Variants in LAMB3 observed in about 807,000 individuals in gnomAD.
LAMB3 encodes the protein laminin subunit beta 3.
A neutral mutation model predicts 140.3 loss-of-function variants in LAMB3; 104 were observed. That is an observed-to-expected ratio of 0.74 (90% CI 0.63 to 0.87). The LOEUF is 0.87. Ranked by LOEUF, LAMB3 falls within the 40% of genes least tolerant of loss-of-function variation. The pLI is 0.00. For synonymous variants in LAMB3, 592 were observed against 602.9 expected, an observed-to-expected ratio of 0.98 and a Z score of 0.26; for missense variants, 1,531 against 1,575.2, an observed-to-expected ratio of 0.97 and a Z score of 0.47.
intron 14 of LAMB3, among the ~76,000 whole-genome samples, chr1:209,625,122 C>T (rs896077810): frequency 2.0e-5 from 3 of 152,218 alleles, no homozygotes; most frequent in Non-Finnish European, 4.4e-5. Flanking sequence ...CCACCACTCA[C>T]ACACCTGGAT....
chr1:209,615,817 A>G (rs1358570637), intron 22 of LAMB3, among the ~76,000 whole-genome samples: 1 of 152,164 alleles, frequency 6.6e-6, no homozygotes, highest in African/African-American at 2.4e-5. Flanking sequence ...GTCATATTCA[A>G]AGCCCTTGGA....
intron 6 of LAMB3, 128 bp from the exon 7 acceptor site, chr1:209,633,261 C>G: frequency 1.3e-6 from 1 of 745,048 alleles, no homozygotes. Flanking sequence ...CTGAGATAGA[C>G]CATGGCTATG....
chr1:209,616,525 T>C lies in LAMB3; in HGVS notation c.3328A>G (p.Thr1110Ala), dbSNP rs200585982. 4.3e-6 allele frequency: 7 copies of C among 1,614,068 alleles called. No homozygotes were observed. The highest frequency in any genetic ancestry group is 2.2e-5 in the East Asian group (1 of 44,898). ...TCCCCAAACAGCTCCTCTGCCTCTG[T>C]CTTCACACTCTGGATCCGGGCACCC... is the stretch of plus-strand genomic sequence containing the variant. ...EQGARIQSVK[T>A]EAEELFGETM... Residue 1110 changes from threonine to alanine, a missense_variant, in exon 22 of 23, where the codon ACA becomes GCA. By Grantham distance (58) the Thr-to-Ala change is moderately conservative. Transcript: ENST00000356082.
intron 18 of LAMB3, among the ~76,000 whole-genome samples, chr1:209,621,892 C>T (rs1459104639): frequency 6.6e-6 from 1 of 152,202 alleles, no homozygotes; most frequent in Non-Finnish European, 1.5e-5. Context: ...GACAGACAAC[C>T]ATCCTTGCCC....
At chr1:209,626,836 C>A in intron 13 of LAMB3, 31 bp downstream of exon 13, 2 of 1,563,424 alleles carry the variant, frequency 1.3e-6, no homozygotes, top group Non-Finnish European at 1.8e-6. Context: ...GCCCCCAGAG[C>A]CTCAGCGTCC....
chr1:209,650,894 G>A (rs2076560931), intron 2 of LAMB3, 23 bp downstream of exon 2: 1 of 1,613,124 alleles, frequency 6.2e-7, no homozygotes, highest in South Asian at 1.1e-5. Flanking sequence ...ACAGGGCCTG[G>A]AAGGATGGGA....
rs151006337 is a variant in LAMB3, at chr1:209,622,673, G to C, written c.2564C>G (p.Ala855Gly). The C allele has an allele frequency of 3.8e-5, 61 of 1,614,014 alleles. No individual in the cohort carries two copies. The highest frequency in any genetic ancestry group is 4.7e-5 in the Non-Finnish European group (56 of 1,180,024). The change falls in exon 18 of 23, where the codon GCA becomes GGA. Residue 855 changes from alanine to glycine, a missense_variant. Ala to Gly is a moderately conservative substitution (Grantham distance 60, BLOSUM62 0). Transcript: ENST00000356082. ...AATCTGTGAGGCAGATTCCTCGGCT[G>C]CCCTAATCTGTTGACATACACTCTA... ...QLQRTRQMIR[A>G]AEESASQIQS...
intron 5 of LAMB3, among the ~76,000 whole-genome samples, chr1:209,635,862 C>T (rs1666878076): frequency 6.6e-6 from 1 of 152,186 alleles, no homozygotes; most frequent in African/African-American, 2.4e-5. Context: ...AGTGAAGAGG[C>T]CCCAGGCTCC....
intron 3 of LAMB3, among the ~76,000 whole-genome samples, chr1:209,642,025 G>A (rs906795045): frequency 3.3e-5 from 5 of 152,198 alleles, no homozygotes; most frequent in African/African-American, 4.8e-5. Context: ...GGTCAAGAGA[G>A]TGCCAGAAAC....
intron 5 of LAMB3, among the ~76,000 whole-genome samples, chr1:209,637,193 A>C (rs886719964): frequency 6.6e-6 from 1 of 152,232 alleles, no homozygotes; most frequent in Non-Finnish European, 1.5e-5. Context: ...CTTAGAGCCA[A>C]CTTCTTCAGT....
intron 5 of LAMB3, 59 bp downstream of exon 5, chr1:209,637,849 C>T (rs1394224380): frequency 2.2e-6 from 3 of 1,372,548 alleles, no homozygotes; most frequent in East Asian, 2.4e-5. Flanking sequence ...CTCCATGGCT[C>T]CACGCCCACA....
intron 14 of LAMB3, among the ~76,000 whole-genome samples, chr1:209,625,397 C>T (rs180937164): frequency 3.3e-5 from 5 of 152,314 alleles, no homozygotes; most frequent in Non-Finnish European, 4.4e-5. Context: ...GGCTCCTGGA[C>T]TGTGTTCTGA....
Position 209,623,927 on chromosome 1 carries a change from T to C in LAMB3, c.2050A>G (p.Ser684Gly), listed in dbSNP as rs1447926620. The change falls in exon 15 of 23, where the codon AGT (serine) becomes GGT (glycine). Residue 684 changes from serine to glycine, a missense_variant. Transcript: ENST00000356082. This position sits in a 1 kb window ranked among gnomAD's most constrained non-coding sequence, Gnocchi z 4.2. ...ETLSLPRDLE[S>G]LDRSFNGLLT... ...AGACCATTGAAGCTTCTGTCAAGAC[T>C]CTCCAGGTCTCTCGGAAGGGACAAC... The C allele has an allele frequency of 6.2e-7, 1 of 1,614,028 alleles. No homozygotes were observed. The highest frequency in any genetic ancestry group is 8.5e-7 in the Non-Finnish European group (1 of 1,179,976).
chr1:209,618,574 C>T lies in LAMB3; in HGVS notation c.2787G>A (p.Leu929=). 6.2e-7 allele frequency: 1 copy of T among 1,614,240 alleles called. No individual in the cohort carries two copies. The highest frequency in any genetic ancestry group is 1.1e-5 in the South Asian group (1 of 91,090). The part of the protein sequence containing the change: ...LWLPTDSATV[L]QKMNEIQAIA... The stretch of plus-strand genomic sequence containing the variant: ...TGGCCTGGATCTCATTCATCTTCTG[C>T]AGAACAGTAGCTGAGTCTGTGGGCA... The change falls in exon 19 of 23, where the codon CTG becomes CTA. Residue 929 remains leucine (L), a synonymous_variant. Transcript: ENST00000356082.
At chr1:209,624,994 TAGG>T in intron 14 of LAMB3, among the ~76,000 whole-genome samples, 1 of 150,392 alleles carries the variant, frequency 6.6e-6, no homozygotes, top group Admixed American at 6.6e-5. Context: ...GGAAGGAAGG[TAGG>T]TTGGTTTTCA....
chr1:209,621,361 C>A (rs975453253), intron 18 of LAMB3, among the ~76,000 whole-genome samples: 2 of 152,340 alleles, frequency 1.3e-5, no homozygotes, highest in Admixed American at 6.5e-5. Context: ...TGCCTCAAGG[C>A]CTTATGCAAG....
At chr1:209,646,365 T>G (rs980697243) in intron 3 of LAMB3, among the ~76,000 whole-genome samples, 1 of 152,144 alleles carries the variant, frequency 6.6e-6, no homozygotes, top group Non-Finnish European at 1.5e-5. Context: ...CAGCGCTGAA[T>G]AAACGGCAAA....
chr1:209,631,771 C>T (rs1456236230), intron 8 of LAMB3, among the ~76,000 whole-genome samples: 1 of 152,198 alleles, frequency 6.6e-6, no homozygotes, highest in African/African-American at 2.4e-5. Context: ...TGACACACTC[C>T]CTGAGCTGGC....
intron 3 of LAMB3, among the ~76,000 whole-genome samples, chr1:209,642,060 T>C (rs1013644180): frequency 6.6e-6 from 1 of 152,148 alleles, no homozygotes; most frequent in Non-Finnish European, 1.5e-5. Context: ...CCCTGGGCCA[T>C]GGGACAAGGA....
Sources: allele counts gnomAD v4.1 joint callset (sites outside exome capture counted in the v4.1 genomes callset), GRCh38; gene constraint gnomAD v4.1.1; non-coding constraint Gnocchi (gnomAD v3.1); transcripts MANE v1.5; gene names NCBI Gene and HGNC (gene_info 2026-07-23, HGNC 2026-07-21).